PTK2: variants seen among roughly 807,000 people sequenced by gnomAD.
The protein encoded by PTK2 is focal adhesion kinase 1.
Under a neutral mutation model 150.1 loss-of-function variants are expected in PTK2, and 45 were observed. The observed-to-expected ratio is 0.30, with a 90% CI of 0.24 to 0.38. PTK2 has a LOEUF of 0.38. Among genes scored for constraint, PTK2 ranks in the 10% least tolerant of loss-of-function variants. PTK2 has a pLI of 1.00. For missense variants in PTK2, 919 were observed against 1,307.3 expected (o/e 0.70, Z 4.58); for synonymous variants, 432 against 449.2 (o/e 0.96, Z 0.48).
intron 1 of PTK2, among the ~76,000 whole-genome samples, chr8:140,995,629 C>A (rs188071245): frequency 5.3e-5 from 8 of 151,618 alleles, no homozygotes; most frequent in Non-Finnish European, 7.4e-5. Flanking sequence ...CGGCAAAACC[C>A]CGTCTCTACT....
intron 16 of PTK2, among the ~76,000 whole-genome samples, 191 bp from the exon 20 acceptor site, chr8:140,752,507 C>T (rs898126556): frequency 1.3e-5 from 2 of 152,172 alleles, no homozygotes; most frequent in Non-Finnish European, 2.9e-5. Flanking sequence ...AATGGTCATG[C>T]ACGTGAAACA....
intron 1 of PTK2, among the ~76,000 whole-genome samples, chr8:140,937,609 AC>A (rs1453322348): frequency 2.6e-4 from 40 of 152,118 alleles, no homozygotes; most frequent in Admixed American, 1.4e-3. Context: ...ACACAAAAAA[AC>A]AAATCTGATT....
rs770981815 is a variant in PTK2 at position 140,793,343 on chromosome 8, G to C, written c.1124+11C>G. The C allele has an allele frequency of 6.2e-7, 1 of 1,604,742 alleles. No homozygotes were observed. The highest frequency in any genetic ancestry group is 2.2e-5 in the East Asian group (1 of 44,502). On this transcript the variant is annotated intron_variant, in intron 13 of 31. Transcript: ENST00000522684. ...AAAACAAAATAACAGTACAAAAAAA[G>C]CAGTACTTACTTTGGTATTGATGGC...
intron 30 of PTK2, 47 bp from the exon 35 acceptor site, chr8:140,665,044 T>G: frequency 6.7e-7 from 1 of 1,498,144 alleles, no homozygotes; most frequent in South Asian, 1.2e-5. Context: ...CACAAAGGAT[T>G]TTTATGCTTT....
intron 17 of PTK2, chr8:140,750,446 T>G (rs181806394): frequency 2.0e-5 from 3 of 152,324 alleles, no homozygotes; most frequent in African/African-American, 7.2e-5. Context: ...AATAATCACT[T>G]GTAAACAATG....
At chr8:140,668,502 CT>C in intron 29 of PTK2, 78 bp from the exon 34 acceptor site, 1 of 1,473,320 alleles carries the variant, frequency 6.8e-7, no homozygotes, top group Non-Finnish European at 9.2e-7. Context: ...TAGAGAGGGT[CT>C]TTACAAGAGA....
chr8:140,700,716 T>C, intron 26 of PTK2, 175 bp downstream of exon 29: 1 of 633,648 alleles, frequency 1.6e-6, no homozygotes, highest in South Asian at 2.0e-5. Flanking sequence ...CCTCAGGTGA[T>C]CTGCTTGCCT....
chr8:140,982,369 C>A lies in PTK2; in HGVS notation c.-122+18756G>T, dbSNP rs532404876. 2.6e-5 allele frequency among the ~76,000 whole-genome samples: 4 copies of A among 152,296 alleles called. No homozygotes were observed. In the South Asian group the frequency reaches 8.3e-4, roughly 32 times the overall value. On this transcript the variant is annotated intron_variant, in intron 1 of 31. Transcript: ENST00000522684. ...ATCCCAACACTTTGGGAGGCTGAGG[C>A]GGGCAGATCACAAGGTCAGGAGTTC...
chr8:140,978,709 C>T (rs929192671), intron 1 of PTK2, among the ~76,000 whole-genome samples: 2 of 151,900 alleles, frequency 1.3e-5, no homozygotes, highest in African/African-American at 2.4e-5. Context: ...GTGGTGATTC[C>T]TCAGGGATCT....
chr8:140,695,983 T>G (rs1486233217), intron 26 of PTK2, among the ~76,000 whole-genome samples: 1 of 152,220 alleles, frequency 6.6e-6, no homozygotes, highest in Non-Finnish European at 1.5e-5. Context: ...TGACTTGTTT[T>G]TATTTTTCAT....
intron 1 of PTK2, among the ~76,000 whole-genome samples, chr8:140,998,952 G>A (rs2100198924): frequency 6.6e-6 from 1 of 152,130 alleles, no homozygotes; most frequent in African/African-American, 2.4e-5. Flanking sequence ...CAAGAAGCAT[G>A]GTGCTTTTCA....
intron 5 of PTK2, among the ~76,000 whole-genome samples, chr8:140,848,012 C>T (rs2100126714): frequency 6.6e-6 from 1 of 152,196 alleles, no homozygotes; most frequent in Non-Finnish European, 1.5e-5. Flanking sequence ...CCACGTTGAA[C>T]CTACCCACTC....
At chr8:140,806,233 G>A (rs1024918330) in intron 10 of PTK2, among the ~76,000 whole-genome samples, 8 of 152,202 alleles carry the variant, frequency 5.3e-5, no homozygotes, top group Admixed American at 2.0e-4. Context: ...CAACTTACGC[G>A]TAATGCAAGG....
At chr8:140,785,377 T>C (rs2100084367) in intron 14 of PTK2, among the ~76,000 whole-genome samples, 1 of 152,220 alleles carries the variant, frequency 6.6e-6, no homozygotes, top group African/African-American at 2.4e-5. Context: ...TTACATGCAA[T>C]GGGTTCATGG....
chr8:140,824,159 C>A (rs1597333690), intron 8 of PTK2, among the ~76,000 whole-genome samples: 2 of 152,204 alleles, frequency 1.3e-5, no homozygotes, highest in South Asian at 4.1e-4. Context: ...AAGAACTCAA[C>A]TGCTCTCCCC....
chr8:140,997,152 G>A (rs960649229), intron 1 of PTK2, among the ~76,000 whole-genome samples: 2 of 152,226 alleles, frequency 1.3e-5, no homozygotes, highest in East Asian at 1.9e-4. Context: ...GAAATAGCAA[G>A]AGAACTAGAA....
chr8:140,692,912 C>T (rs2100024069), intron 26 of PTK2, among the ~76,000 whole-genome samples: 1 of 152,216 alleles, frequency 6.6e-6, no homozygotes, highest in Non-Finnish European at 1.5e-5. Context: ...TTCATTCAGA[C>T]TGACTGGATC....
intron 14 of PTK2, among the ~76,000 whole-genome samples, chr8:140,785,667 A>T (rs907388917): frequency 7.9e-5 from 12 of 152,146 alleles, no homozygotes; most frequent in African/African-American, 2.4e-4. Context: ...AGTACAGGGG[A>T]GCAAACTCTC....
At chr8:140,734,548 A>C (rs1337946646) in intron 22 of PTK2, 1 of 339,494 alleles carries the variant, frequency 2.9e-6, no homozygotes, top group Non-Finnish European at 5.9e-6. Context: ...GCAACAGGGT[A>C]GAGTATGCAC....
Sources: allele counts gnomAD v4.1 joint callset (sites outside exome capture counted in the v4.1 genomes callset), GRCh38; gene constraint gnomAD v4.1.1; transcripts MANE v1.5; gene names NCBI Gene and HGNC (gene_info 2026-07-23, HGNC 2026-07-21).